SDC2: variants seen among roughly 807,000 people sequenced by gnomAD.
SDC2 encodes syndecan 2.
Under a neutral mutation model 22.2 loss-of-function variants are expected in SDC2, and 13 were observed. The observed-to-expected ratio is 0.59, with a 90% CI of 0.38 to 0.93. SDC2 has a LOEUF of 0.93. SDC2 is among the 40% of genes least tolerant of loss of function. The pLI is 0.00. For missense variants in SDC2, 235 were observed against 246.8 expected, an observed-to-expected ratio of 0.95 and a Z score of 0.32; for synonymous variants, 94 against 92.8, an observed-to-expected ratio of 1.01 and a Z score of -0.07.
At chr8:96,508,350 G>A (rs1037361575) in intron 1 of SDC2, among the ~76,000 whole-genome samples, 10 of 146,832 alleles carry the variant, frequency 6.8e-5, no homozygotes, top group Non-Finnish European at 1.2e-4. Context: ...ATAATTAGCC[G>A]GGTGTGGTCG....
intron 1 of SDC2, among the ~76,000 whole-genome samples, chr8:96,563,190 C>T (rs549904086): frequency 6.6e-6 from 1 of 152,170 alleles, no homozygotes; most frequent in Non-Finnish European, 1.5e-5. Context: ...TGTATTCAGC[C>T]TTGCTGGGAT....
chr8:96,525,370 C>T (rs1813561332), intron 1 of SDC2, among the ~76,000 whole-genome samples: 1 of 152,202 alleles, frequency 6.6e-6, no homozygotes, highest in African/African-American at 2.4e-5. Flanking sequence ...CTTCCACCTG[C>T]AGGCCTTGTT....
At chr8:96,595,943 A>C (rs1275827207) in intron 2 of SDC2, among the ~76,000 whole-genome samples, 1 of 152,192 alleles carries the variant, frequency 6.6e-6, no homozygotes, top group African/African-American at 2.4e-5. Flanking sequence ...GAAGTGAAAG[A>C]GCTTCGTTCT....
chr8:96,541,887 T>A (rs1467223976), intron 1 of SDC2, among the ~76,000 whole-genome samples: 1 of 152,152 alleles, frequency 6.6e-6, no homozygotes, highest in African/African-American at 2.4e-5. Context: ...TAAAAATGTT[T>A]ATTGAGCACC....
intron 1 of SDC2, among the ~76,000 whole-genome samples, chr8:96,535,877 C>T (rs1202498740): frequency 6.6e-6 from 1 of 152,058 alleles, no homozygotes; most frequent in Non-Finnish European, 1.5e-5. Flanking sequence ...AGACTTGAGA[C>T]ACAATATAAA....
intron 1 of SDC2, among the ~76,000 whole-genome samples, chr8:96,501,116 A>G (rs558420506): frequency 6.6e-6 from 1 of 152,178 alleles, no homozygotes; most frequent in East Asian, 1.9e-4. Flanking sequence ...GCTCTCTACA[A>G]AGCATTTTGG....
intron 2 of SDC2, among the ~76,000 whole-genome samples, chr8:96,595,646 C>T (rs945954477): frequency 5.9e-5 from 9 of 152,024 alleles, no homozygotes; most frequent in African/African-American, 2.2e-4. Context: ...TACAGGTTGG[C>T]GAAGTCATTT....
intron 1 of SDC2, among the ~76,000 whole-genome samples, chr8:96,534,390 A>G (rs759671235): frequency 6.6e-5 from 10 of 152,100 alleles, no homozygotes; most frequent in Admixed American, 2.0e-4. Flanking sequence ...ACTTTAGGCA[A>G]TTTCTTGTGG....
rs554797295 is a variant in SDC2, at chr8:96,528,483, A to AT, written c.60+34156dup. Among the ~76,000 whole-genome samples, 188 of 152,344 alleles carry AT rather than the reference A, an allele frequency of 1.2e-3. 2 individuals are homozygous for AT. The highest frequency in any genetic ancestry group is 4.4e-3 in the African/African-American group (184 of 41,584). ...TCAGTGCTCATAACAATATGGTTAG[A>AT]TTTTCAACACTTTCTAAAAGGAAAA... On this transcript the variant is annotated intron_variant, in intron 1 of 4. Coordinates refer to ENST00000302190, the MANE Select transcript of SDC2 (RefSeq NM_002998.4).
chr8:96,556,409 C>T (rs1042667999), intron 1 of SDC2, among the ~76,000 whole-genome samples: 2 of 151,324 alleles, frequency 1.3e-5, no homozygotes, highest in African/African-American at 4.9e-5. Flanking sequence ...GTACCACTTC[C>T]TGGTACCAAA....
At position 96,576,368 on chromosome 8, in the gene SDC2, G is replaced by GTTTTTTTT. The variant is rs1481198542; in HGVS notation, c.61-17107_61-17106insTTTTTTTT. Reference sequence around the variant, plus strand: ...ACATAAGTTCAATAATTGGTAGTTTGTTTTTGTTTTGTTTTGTTTTTTTTT... The same window carrying GTTTTTTTT: ...ACATAAGTTCAATAATTGGTAGTTTGTTTTTTTTTTTTTGTTTTGTTTTGTTTTTTTTT... On this transcript the variant is annotated intron_variant, in intron 1 of 4. Transcript: ENST00000302190. 4.3e-3 allele frequency among the ~76,000 whole-genome samples: 71 copies of GTTTTTTTT among 16,566 alleles called. 2 individuals carry two copies. Among genetic ancestry groups the GTTTTTTTT allele is most frequent in the Middle Eastern group, 0.071 (1 of 14 alleles). 10.9% of individuals were successfully genotyped at this position (16,566 alleles called of 152,430 possible).
Position 96,528,045 on chromosome 8 carries a change from A to G in SDC2, c.60+33714A>G, listed in dbSNP as rs566805765. Among the ~76,000 whole-genome samples, 460 of 142,854 alleles carry G rather than the reference A, an allele frequency of 3.2e-3. 2 individuals carry two copies. Among genetic ancestry groups the G allele is most frequent in the African/African-American group, 0.011 (429 of 37,912 alleles). 93.7% of individuals were successfully genotyped at this position (142,854 alleles called of 152,430 possible). ...TAATCCAACAAAATAGCACTTTTCA[A>G]AACTTTTTTTAGCGTATGGAATAAC... On this transcript the variant is annotated intron_variant, in intron 1 of 4. Coordinates refer to ENST00000302190, the MANE Select transcript of SDC2 (RefSeq NM_002998.4).
rs1355077735 is a variant in SDC2, at chr8:96,518,476, T to TA, written c.60+24145_60+24146insA. On this transcript the variant is annotated intron_variant, in intron 1 of 4. Transcript: ENST00000302190. ...CCCAGGTTCACGTCATTCTCCTGCC[T>TA]CAGCCTCCCAAGTAGCTGGGACTAC... Among the ~76,000 whole-genome samples, 60 of 151,412 alleles carry TA rather than the reference T, an allele frequency of 4.0e-4. No homozygotes were observed. The East Asian group carries it at 8.8e-3, about 22-fold the overall frequency.
intron 1 of SDC2, among the ~76,000 whole-genome samples, chr8:96,584,678 C>T (rs893437864): frequency 4.6e-5 from 7 of 152,122 alleles, no homozygotes; most frequent in African/African-American, 1.7e-4. Flanking sequence ...AAACTGTGGT[C>T]ATATGGATAG....
chr8:96,511,580 C>T (rs965825841), intron 1 of SDC2, among the ~76,000 whole-genome samples: 3 of 152,164 alleles, frequency 2.0e-5, no homozygotes, highest in Non-Finnish European at 4.4e-5. Context: ...TTCTGCCTGG[C>T]AGTGACTCAG....
intron 1 of SDC2, among the ~76,000 whole-genome samples, chr8:96,540,499 A>C (rs1813830409): frequency 5.1e-5 from 6 of 117,846 alleles, no homozygotes; most frequent in Admixed American, 8.9e-5. Flanking sequence ...TGACAGTGAG[A>C]CCCCGCCTCC....
intron 2 of SDC2, among the ~76,000 whole-genome samples, chr8:96,597,512 A>G (rs530488736): frequency 5.9e-5 from 9 of 152,216 alleles, no homozygotes; most frequent in South Asian, 2.1e-4. Context: ...GGCTCCCCAG[A>G]TATTTAGGAA....
Position 96,493,832 on chromosome 8 carries a change from G to C in SDC2, c.-440G>C, listed in dbSNP as rs1284482804. On this transcript the variant is annotated 5_prime_UTR_variant, in exon 1 of 5. Transcript: ENST00000302190. ...CTCTCCAGATACCCCCGGAGCTCCA[G>C]CCGCGCGGATCGCGCGCTCCCGCCG... The C allele has an allele frequency of 6.1e-6, 1 of 162,742 alleles. No homozygotes were observed. 10.1% of individuals were successfully genotyped at this position (162,742 alleles called of 1,614,324 possible).
intron 1 of SDC2, among the ~76,000 whole-genome samples, chr8:96,545,747 A>G (rs891486461): frequency 6.6e-6 from 1 of 152,190 alleles, no homozygotes; most frequent in Admixed American, 6.5e-5. Context: ...CTGTGGGCTT[A>G]GGGTGGTGGC....
Sources: gnomAD v4.1 joint callset for allele counts (sites outside exome capture counted in the v4.1 genomes callset) on GRCh38, gnomAD v4.1.1 for gene constraint, MANE v1.5 for transcripts, NCBI Gene and HGNC (gene_info 2026-07-23, HGNC 2026-07-21) for gene names.